The following ACTR3C variants were observed in gnomAD, a reference collection of about 807,000 sequenced individuals.
ACTR3C encodes the protein actin related protein 3C, also known as actin-related protein 3C.
ACTR3C carries 18 observed loss-of-function variants against 26.3 expected under a neutral mutation model. That is an observed-to-expected ratio of 0.68 (90% CI 0.47 to 1.01). The LOEUF (loss-of-function observed/expected upper bound fraction) is 1.01, where lower values mean the gene tolerates loss of function less well. Ranked by LOEUF, ACTR3C falls within the 50% of genes least tolerant of loss-of-function variation. ACTR3C has a pLI of 0.00. For synonymous variants in ACTR3C, 55 were observed against 94.5 expected, an observed-to-expected ratio of 0.58 and a Z score of 2.42; for missense variants, 184 against 250.7, an observed-to-expected ratio of 0.73 and a Z score of 1.80.
chr7:149,908,273 A>T, the ACTR3C span, among the ~76,000 whole-genome samples: 1 of 152,212 alleles, frequency 6.6e-6, no homozygotes, highest in Non-Finnish European at 1.5e-5. Flanking sequence ...CCCAGTCTTT[A>T]GTATTTTTTA....
At chr7:150,040,477 T>G in the ACTR3C span, 1 of 148,452 alleles carries the variant, frequency 6.7e-6, no homozygotes, top group East Asian at 1.9e-4. Flanking sequence ...TGTGACCTCA[T>G]ACAAAGGCTT....
chr7:150,012,317 C>CTTTTTTCTTTTTT, the ACTR3C span, among the ~76,000 whole-genome samples: 1 of 131,258 alleles, frequency 7.6e-6, no homozygotes, highest in East Asian at 2.3e-4. Flanking sequence ...ATAAATGCAT[C>CTTTTTTCTTTTTT]TTTTTTTTTT....
chr7:150,130,671 T>G, the ACTR3C span, among the ~76,000 whole-genome samples: 4 of 152,232 alleles, frequency 2.6e-5, no homozygotes, highest in Non-Finnish European at 5.9e-5. Flanking sequence ...TTCACAGAAT[T>G]GCCTATGCAT....
the ACTR3C span, among the ~76,000 whole-genome samples, chr7:149,961,988 C>T: frequency 6.6e-6 from 1 of 152,062 alleles, no homozygotes. Flanking sequence ...AGTGTTCACT[C>T]ACAGGAAGGG....
At chr7:150,038,262 AC>A in the ACTR3C span, among the ~76,000 whole-genome samples, 29 of 144,358 alleles carry the variant, frequency 2.0e-4, 1 homozygote, top group South Asian at 1.9e-3. Context: ...TCCTTTAGCA[AC>A]CCTGTCTAGT....
the ACTR3C span, among the ~76,000 whole-genome samples, chr7:149,954,877 A>G: frequency 2.0e-5 from 3 of 152,188 alleles, no homozygotes; most frequent in Non-Finnish European, 4.4e-5. Context: ...ATCCTTCAAC[A>G]TCTCCATCCG....
At chr7:150,148,738 C>G in the ACTR3C span, among the ~76,000 whole-genome samples, 1 of 152,208 alleles carries the variant, frequency 6.6e-6, no homozygotes, top group East Asian at 1.9e-4. Flanking sequence ...TAGCTTTTCC[C>G]TGCCACTGGG....
At chr7:150,035,935 G>A in the ACTR3C span, among the ~76,000 whole-genome samples, 353 of 130,436 alleles carry the variant, frequency 2.7e-3, 22 homozygotes, top group Middle Eastern at 0.027. Flanking sequence ...GCCCTCCTGC[G>A]ATGGGGGTCC....
chr7:149,928,283 C>T, the ACTR3C span, among the ~76,000 whole-genome samples: 32 of 150,718 alleles, frequency 2.1e-4, no homozygotes, highest in African/African-American at 7.1e-4. Flanking sequence ...CTGCAACCTC[C>T]GCCTCCTGGT....
chr7:150,036,081 T>C, the ACTR3C span, among the ~76,000 whole-genome samples: 1,054 of 120,598 alleles, frequency 8.7e-3, 45 homozygotes, highest in South Asian at 0.045. Context: ...CGAGGGGTGC[T>C]CCCCCCCCTG....
chr7:149,884,509 G>A, the ACTR3C span, among the ~76,000 whole-genome samples: 1 of 151,932 alleles, frequency 6.6e-6, no homozygotes, highest in Non-Finnish European at 1.5e-5. Context: ...TAATGCATTT[G>A]TTATTAGCTC....
chr7:150,093,113 A>C, the ACTR3C span, among the ~76,000 whole-genome samples: 1 of 151,464 alleles, frequency 6.6e-6, no homozygotes, highest in Admixed American at 6.6e-5. Context: ...AAATGGGGAC[A>C]GGAATATCTG....
the ACTR3C span, among the ~76,000 whole-genome samples, chr7:149,936,763 G>A: frequency 2.0e-5 from 3 of 152,160 alleles, no homozygotes; most frequent in Admixed American, 6.5e-5. Context: ...CCAATTAACC[G>A]CTCTATGTCT....
At chr7:150,289,286 G>A (rs1836028114) in intron 4 of ACTR3C, among the ~76,000 whole-genome samples, 164 bp downstream of exon 4, 1 of 151,510 alleles carries the variant, frequency 6.6e-6, no homozygotes, top group South Asian at 2.1e-4. Context: ...AAGAGGTTAA[G>A]CTTTACATCT....
the ACTR3C span, among the ~76,000 whole-genome samples, chr7:149,886,397 G>A: frequency 8.5e-3 from 1,297 of 152,292 alleles, 18 homozygotes; most frequent in African/African-American, 0.03. Context: ...TGCTTTTGGA[G>A]GACGGGGGGA....
chr7:150,161,109 T>C, the ACTR3C span, among the ~76,000 whole-genome samples: 2 of 149,872 alleles, frequency 1.3e-5, no homozygotes, highest in African/African-American at 2.5e-5. Flanking sequence ...GTTCTGATCA[T>C]GAAAAATGGT....
At chr7:150,223,281 G>A in the ACTR3C span, among the ~76,000 whole-genome samples, 4 of 151,966 alleles carry the variant, frequency 2.6e-5, no homozygotes, top group Non-Finnish European at 5.9e-5. Flanking sequence ...ATATTCTATT[G>A]TATGGATGTA....
the ACTR3C span, among the ~76,000 whole-genome samples, chr7:150,092,508 A>G: frequency 6.7e-6 from 1 of 149,698 alleles, no homozygotes; most frequent in Non-Finnish European, 1.5e-5. Context: ...TCCTTAAACA[A>G]TAGGGAGATA....
At chr7:150,049,147 G>A in the ACTR3C span, among the ~76,000 whole-genome samples, 1 of 152,018 alleles carries the variant, frequency 6.6e-6, no homozygotes, top group Admixed American at 6.5e-5. Context: ...CAGCGCCCCT[G>A]TGTGGACACC....
Sources: gnomAD v4.1 joint callset for allele counts (sites outside exome capture counted in the v4.1 genomes callset) on GRCh38, gnomAD v4.1.1 for gene constraint, MANE v1.5 for transcripts, NCBI Gene and HGNC (gene_info 2026-07-23, HGNC 2026-07-21) for gene names.